LRIG2: variants seen among roughly 807,000 people sequenced by gnomAD.
LRIG2 encodes leucine-rich repeats and immunoglobulin-like domains protein 2.
In LRIG2, 93 loss-of-function variants were observed where a neutral mutation model predicts 107.8. That is an observed-to-expected ratio of 0.86 (90% CI 0.73 to 1.03). The LOEUF is 1.03. Ranked by LOEUF, LRIG2 falls within the 50% of genes least tolerant of loss-of-function variation. The pLI is 0.00. For missense variants in LRIG2, 1,226 were observed against 1,296.0 expected (o/e 0.95, Z 0.83); for synonymous variants, 471 against 470.6 (o/e 1.00, Z -0.01).
chr1:113,080,847 T>TTG (rs1653246308), intron 1 of LRIG2, among the ~76,000 whole-genome samples: 2 of 148,968 alleles, frequency 1.3e-5, no homozygotes, highest in African/African-American at 5.0e-5. Context: ...TTTTTTTTTT[T>TTG]TTTTTTTTTT....
Position 113,119,340 on chromosome 1 carries a change from C to T in LRIG2, c.2788C>T (p.Leu930Phe). 1 of 1,614,058 alleles carries T rather than the reference C, an allele frequency of 6.2e-7. No individual in the cohort carries two copies. Among genetic ancestry groups the T allele is most frequent in the Non-Finnish European group, 8.5e-7 (1 of 1,180,026 alleles). The change falls in exon 17 of 18, where the codon CTT becomes TTT. Residue 930 changes from leucine (L) to phenylalanine (F), a missense_variant. Transcript: ENST00000361127. Reference sequence around the variant, plus strand: ...CACCTATATTGCTGAGGAGGACGTTCTTGATCAGACACTGTCCAGCCTCAT... The same window carrying T: ...CACCTATATTGCTGAGGAGGACGTTTTTGATCAGACACTGTCCAGCCTCAT... Reference protein sequence around the residue: ...PYTYIAEEDVLDQTLSSLMVQ... With the variant: ...PYTYIAEEDVFDQTLSSLMVQ...
In LRIG2 at chr1:113,125,991, A is replaced by G. The variant is rs1209089958; in HGVS notation, c.*1890A>G. 6.6e-6 allele frequency: 1 copy of G among 152,134 alleles called. No individual in the cohort carries two copies. The highest frequency in any genetic ancestry group is 1.5e-5 in the Non-Finnish European group (1 of 68,020). The allele number at this position is 152,134 out of a possible 1,614,324, so 9.4% of individuals were successfully genotyped here. A position where few individuals can be genotyped will look rare whatever the true frequency, so the allele number is the denominator to read the frequency against. The stretch of plus-strand genomic sequence containing the variant: ...TTAACTGGGTTCTATTAGGTGTGCT[A>G]TATCTTGGCAAATATTCCCCATGAT... On this transcript the variant is annotated 3_prime_UTR_variant, in exon 18 of 18. Transcript: ENST00000361127.
At position 113,114,801 on chromosome 1, in the gene LRIG2, G is replaced by A; in HGVS notation, c.2455G>A (p.Gly819Ser). 1 of 1,614,062 alleles carries A rather than the reference G, an allele frequency of 6.2e-7. No homozygotes were observed. Among genetic ancestry groups the A allele is most frequent in the Non-Finnish European group, 8.5e-7 (1 of 1,180,026 alleles). Residue 819 changes from glycine (G) to serine (S), a missense_variant, in exon 15 of 18, where the codon GGC (glycine) becomes AGC (serine). This residue lies in a region of LRIG2 where 642 missense variants were observed against 712.2 expected (regional missense o/e 0.90). Coordinates refer to ENST00000361127, the MANE Select transcript of LRIG2 (RefSeq NM_014813.3). The part of the protein sequence containing the change: ...VIIVVVCCVV[G>S]TSLIWVIVIY... The stretch of plus-strand genomic sequence containing the variant: ...CATTGTTGTGGTCTGCTGTGTTGTT[G>A]GCACTTCTTTGATCTGGGTCATTGT...
intron 16 of LRIG2, among the ~76,000 whole-genome samples, chr1:113,117,907 A>AT (rs142983818): frequency 0.38 from 56,705 of 150,958 alleles, 12,023 homozygotes; most frequent in Non-Finnish European, 0.48. Context: ...CTGTTGCATG[A>AT]TTTTTTTTTG....
At chr1:113,093,126 T>C (rs1471476433) in intron 2 of LRIG2, 80 bp from the exon 3 acceptor site, 2 of 843,154 alleles carry the variant, frequency 2.4e-6, no homozygotes, top group Non-Finnish European at 3.8e-6. Flanking sequence ...TTCTAAAGAA[T>C]ATGTGTTAGC....
intron 2 of LRIG2, among the ~76,000 whole-genome samples, chr1:113,092,420 T>G (rs902636780): frequency 1.2e-4 from 19 of 152,222 alleles, no homozygotes; most frequent in African/African-American, 4.1e-4. Context: ...GTTCCATCTC[T>G]GGGTGGGCTG....
rs552505084 is a variant in LRIG2, at chr1:113,124,787, A to G, written c.*686A>G. 8.5e-5 allele frequency: 13 copies of G among 152,332 alleles called. No homozygotes were observed. Among genetic ancestry groups the G allele is most frequent in the African/African-American group, 2.9e-4 (12 of 41,574 alleles). The allele number at this position is 152,332 out of a possible 1,614,324, so 9.4% of individuals were successfully genotyped here. On this transcript the variant is annotated 3_prime_UTR_variant, in exon 18 of 18. Coordinates refer to ENST00000361127, the MANE Select transcript of LRIG2 (RefSeq NM_014813.3). ...AATATTTTTGATATGCCAAAATTAT[A>G]TGTAATATCCAGTTATAATATTGAC...
chr1:113,114,337 A>G (rs1654902006), intron 14 of LRIG2, 90 bp from the exon 15 acceptor site: 4 of 736,998 alleles, frequency 5.4e-6, no homozygotes, highest in Non-Finnish European at 8.8e-6. Flanking sequence ...TACTCATTTT[A>G]TTATACCCCC....
At chr1:113,076,216 G>A (rs1652977703) in intron 1 of LRIG2, among the ~76,000 whole-genome samples, 2 of 152,198 alleles carry the variant, frequency 1.3e-5, no homozygotes, top group South Asian at 4.2e-4. Context: ...ATGTTGGCCA[G>A]GCTGGTCTTG....
chr1:113,102,982 A>G (rs1020744160), intron 11 of LRIG2, among the ~76,000 whole-genome samples: 3 of 139,926 alleles, frequency 2.1e-5, no homozygotes, highest in Non-Finnish European at 4.6e-5. Context: ...GTGACTTACT[A>G]CAAATTAGTA....
At position 113,091,301 on chromosome 1, in the gene LRIG2, A is replaced by G. The variant is rs1482710881; in HGVS notation, c.240-17A>G. ...TTTCCAGGACTAAACTAAGAATGAT[A>G]TTTTGTCCTCTTTCAGGGATTTCAG... On this transcript the variant is annotated splice_polypyrimidine_tract_variant and intron_variant, in intron 1 of 17. Transcript: ENST00000361127. 6.5e-7 allele frequency: 1 copy of G among 1,549,338 alleles called. No homozygotes were observed. The highest frequency in any genetic ancestry group is 2.3e-5 in the East Asian group (1 of 44,088).
intron 1 of LRIG2, among the ~76,000 whole-genome samples, chr1:113,086,456 A>C (rs1315881041): frequency 2.0e-5 from 3 of 152,248 alleles, no homozygotes; most frequent in Non-Finnish European, 2.9e-5. Flanking sequence ...TTTAACTTTT[A>C]CAAAGGGCCT....
chr1:113,095,844 G>A (rs371503020), intron 6 of LRIG2, 30 bp from the exon 7 acceptor site: 107 of 1,613,006 alleles, frequency 6.6e-5, no homozygotes, highest in Middle Eastern at 1.6e-4. Context: ...GTTTTGGAAC[G>A]TATTTTCTTC....
At position 113,116,414 on chromosome 1, in the gene LRIG2, A is replaced by T. The variant is rs2101063831; in HGVS notation, c.2658A>T (p.Gly886=). The change falls in exon 16 of 18, where the codon GGA becomes GGT. Residue 886 remains glycine, a synonymous_variant. Transcript: ENST00000361127. ...SHQQLMPPAN[G]YIHKGTDGGT... ...AGCAACTTATGCCTCCTGCCAATGG[A>T]TATATACACAAAGGCACTGACGGTA... 6.2e-7 allele frequency: 1 copy of T among 1,603,574 alleles called. No individual in the cohort carries two copies.
chr1:113,074,422 T>C (rs1222877337), intron 1 of LRIG2, among the ~76,000 whole-genome samples: 1 of 152,214 alleles, frequency 6.6e-6, no homozygotes, highest in Non-Finnish European at 1.5e-5. Flanking sequence ...GTTTTCACTT[T>C]GACAGGTCTT....
chr1:113,103,034 G>T (rs1310566695), intron 11 of LRIG2, among the ~76,000 whole-genome samples: 1 of 151,106 alleles, frequency 6.6e-6, no homozygotes, highest in African/African-American at 2.4e-5. Flanking sequence ...GATAACCTGA[G>T]AGCTGGCAAG....
At chr1:113,080,299 G>C (rs554239526) in intron 1 of LRIG2, among the ~76,000 whole-genome samples, 3 of 152,122 alleles carry the variant, frequency 2.0e-5, no homozygotes, top group African/African-American at 4.8e-5. Context: ...GATTACAGGC[G>C]TGAGCCACTG....
chr1:113,082,788 G>C (rs1005137172), intron 1 of LRIG2, among the ~76,000 whole-genome samples: 1 of 152,018 alleles, frequency 6.6e-6, no homozygotes, highest in Non-Finnish European at 1.5e-5. Context: ...TGAATAGCTG[G>C]GATTACAGGT....
intron 4 of LRIG2, 145 bp from the exon 5 acceptor site, chr1:113,094,194 C>A: frequency 1.8e-6 from 1 of 552,676 alleles, no homozygotes; most frequent in Non-Finnish European, 3.1e-6. Context: ...GATGAAGAAA[C>A]AGAGCAGTTA....
Sources: allele counts gnomAD v4.1 joint callset (sites outside exome capture counted in the v4.1 genomes callset), GRCh38; gene constraint gnomAD v4.1.1; regional missense constraint gnomAD v4.1.1; transcripts MANE v1.5; gene names NCBI Gene and HGNC (gene_info 2026-07-23, HGNC 2026-07-21).